Variants in FBXL7 observed in about 807,000 individuals in gnomAD.
The protein encoded by FBXL7 is F-box and leucine rich repeat protein 7, also known as F-box/LRR-repeat protein 7.
In FBXL7, 12 loss-of-function variants were observed where a neutral mutation model predicts 38.3. The observed-to-expected ratio is 0.31, with a 90% CI of 0.20 to 0.51. The LOEUF (loss-of-function observed/expected upper bound fraction) is 0.51, where lower values mean the gene tolerates loss of function less well. FBXL7 is among the 20% of genes least tolerant of loss of function. The pLI, the probability that FBXL7 is intolerant of heterozygous loss-of-function variation, is 0.98. For missense variants in FBXL7, 567 were observed against 676.4 expected (o/e 0.84, Z 1.79); for synonymous variants, 297 against 300.9 (o/e 0.99, Z 0.13).
intron 2 of FBXL7, among the ~76,000 whole-genome samples, chr5:15,770,535 C>T (rs998818451): frequency 1.3e-5 from 2 of 151,998 alleles, no homozygotes; most frequent in African/African-American, 4.8e-5. Context: ...ATGCCAGTGG[C>T]GAGGCAATAA....
chr5:15,717,456 TTGTC>T (rs965674240), intron 2 of FBXL7, among the ~76,000 whole-genome samples: 1 of 152,190 alleles, frequency 6.6e-6, no homozygotes, highest in African/African-American at 2.4e-5. Context: ...CTGTTTGAAA[TTGTC>T]TGTCTGCACC....
intron 2 of FBXL7, among the ~76,000 whole-genome samples, chr5:15,771,474 A>G (rs534375361): frequency 1.1e-4 from 17 of 152,322 alleles, no homozygotes; most frequent in African/African-American, 4.1e-4. Flanking sequence ...TGCCATAAGT[A>G]TATGTATAGG....
chr5:15,924,608 CT>C (rs1407311882), intron 2 of FBXL7, among the ~76,000 whole-genome samples: 9 of 149,860 alleles, frequency 6.0e-5, no homozygotes, highest in African/African-American at 2.0e-4. Context: ...GAAGTTCTGT[CT>C]GCTTCACGGG....
At chr5:15,787,104 C>A (rs917303291) in intron 2 of FBXL7, among the ~76,000 whole-genome samples, 2 of 152,140 alleles carry the variant, frequency 1.3e-5, no homozygotes, top group Non-Finnish European at 2.9e-5. Context: ...TTCCCTAGAG[C>A]CTTCCCAGGG....
At chr5:15,885,714 A>T (rs1740648127) in intron 2 of FBXL7, among the ~76,000 whole-genome samples, 1 of 151,204 alleles carries the variant, frequency 6.6e-6, no homozygotes, top group Non-Finnish European at 1.5e-5. Flanking sequence ...TGTTAGTCAC[A>T]TTTTTTTTTA....
At position 15,937,475 on chromosome 5, in the gene FBXL7, T is replaced by C; in HGVS notation, c.*289T>C. 2.9e-6 allele frequency: 1 copy of C among 342,860 alleles called. No homozygotes were observed. Among genetic ancestry groups the C allele is most frequent in the Non-Finnish European group, 5.4e-6 (1 of 186,250 alleles). 21.2% of individuals were successfully genotyped at this position (342,860 alleles called of 1,614,324 possible). Reference sequence around the variant, plus strand: ...GATCGCTGTTCCTTGAGCAAGGCGCTTACTCTCCTCCGCTCAGGCCCCCAA... The same window carrying C: ...GATCGCTGTTCCTTGAGCAAGGCGCCTACTCTCCTCCGCTCAGGCCCCCAA... On this transcript the variant is annotated 3_prime_UTR_variant, in exon 4 of 4. Coordinates refer to ENST00000504595, the MANE Select transcript of FBXL7 (RefSeq NM_012304.5).
At chr5:15,732,477 T>G (rs1735616452) in intron 2 of FBXL7, among the ~76,000 whole-genome samples, 1 of 152,194 alleles carries the variant, frequency 6.6e-6, no homozygotes, top group Non-Finnish European at 1.5e-5. Flanking sequence ...TTTATTTATA[T>G]TGTCATTTGC....
intron 2 of FBXL7, among the ~76,000 whole-genome samples, chr5:15,713,313 T>C (rs6554899): frequency 0.74 from 112,084 of 152,018 alleles, 41,555 homozygotes; most frequent in East Asian, 0.88. Context: ...GGGAAACCAC[T>C]CCCATGATTC....
At position 15,776,648 on chromosome 5, in the gene FBXL7, G is replaced by C. The variant is rs114978029; in HGVS notation, c.128-151242G>C. 4.9e-4 allele frequency among the ~76,000 whole-genome samples: 74 copies of C among 152,112 alleles called. No individual in the cohort carries two copies. In the Middle Eastern group the frequency reaches 0.01, roughly 21 times the overall value. ...GTGATGGTGAGGCAGGAAAAAATTC[G>C]CACTTTTTTTGGTATAATTTCTCGC... On this transcript the variant is annotated intron_variant, in intron 2 of 3. Coordinates refer to ENST00000504595, the MANE Select transcript of FBXL7 (RefSeq NM_012304.5).
At chr5:15,541,443 G>GTGTGTATATATATA (rs1264820921) in intron 1 of FBXL7, among the ~76,000 whole-genome samples, 1 of 38,426 alleles carries the variant, frequency 2.6e-5, no homozygotes, top group African/African-American at 9.4e-5. Flanking sequence ...GTGTGTGTGT[G>GTGTGTATATATATA]TATATATATA....
intron 2 of FBXL7, among the ~76,000 whole-genome samples, chr5:15,922,511 G>A (rs754286256): frequency 3.3e-5 from 5 of 152,134 alleles, no homozygotes; most frequent in Non-Finnish European, 7.4e-5. Context: ...AAGGCGTTTA[G>A]GGGAACTATG....
intron 1 of FBXL7, among the ~76,000 whole-genome samples, chr5:15,547,823 A>G (rs1165966007): frequency 6.6e-6 from 1 of 152,180 alleles, no homozygotes; most frequent in African/African-American, 2.4e-5. Flanking sequence ...ATTCTTGTCA[A>G]CTACTAGTAA....
chr5:15,580,713 G>T (rs1482984203), intron 1 of FBXL7: 1 of 985,306 alleles, frequency 1.0e-6, no homozygotes, highest in Non-Finnish European at 1.2e-6. Flanking sequence ...AGAACAGGAA[G>T]GGAGGTGGTG....
intron 2 of FBXL7, among the ~76,000 whole-genome samples, chr5:15,836,789 A>G (rs992304012): frequency 1.3e-5 from 2 of 152,184 alleles, no homozygotes; most frequent in Non-Finnish European, 2.9e-5. Flanking sequence ...GTCAGGTTTC[A>G]GCCTCCTGTC....
intron 3 of FBXL7, among the ~76,000 whole-genome samples, chr5:15,932,777 C>G (rs1042722666): frequency 5.9e-5 from 9 of 152,164 alleles, no homozygotes; most frequent in African/African-American, 1.2e-4. Context: ...AATTATTTCT[C>G]TCTTTCAAGG....
rs567124517 is a variant in FBXL7, at chr5:15,504,717, A to G, written c.37+4004A>G. Among the ~76,000 whole-genome samples, 6 of 152,306 alleles carry G rather than the reference A, an allele frequency of 3.9e-5. No individual in the cohort carries two copies. The East Asian group carries it at 7.7e-4, about 20-fold the overall frequency. On this transcript the variant is annotated intron_variant, in intron 1 of 3. Transcript: ENST00000504595. ...TATCTCTTTCATAAAGTGTAAGTCCATGTGTAGAAATCTGGAGAATAAGTT... is the reference window on the plus strand; with the variant it reads ...TATCTCTTTCATAAAGTGTAAGTCCGTGTGTAGAAATCTGGAGAATAAGTT...
intron 2 of FBXL7, among the ~76,000 whole-genome samples, chr5:15,830,485 A>AAC (rs57825713): frequency 0.051 from 7,299 of 144,150 alleles, 605 homozygotes; most frequent in African/African-American, 0.18. Flanking sequence ...CTCCATCTAA[A>AAC]ACACACACAC....
chr5:15,768,418 C>A (rs1736645819), intron 2 of FBXL7, among the ~76,000 whole-genome samples: 1 of 151,910 alleles, frequency 6.6e-6, no homozygotes, highest in South Asian at 2.1e-4. Flanking sequence ...CTTGTCCCAG[C>A]TACTCGGGAG....
At chr5:15,544,014 C>T (rs185241346) in intron 1 of FBXL7, among the ~76,000 whole-genome samples, 16 of 152,284 alleles carry the variant, frequency 1.1e-4, no homozygotes, top group Admixed American at 9.8e-4. Context: ...TTCTGTAAGA[C>T]ACGCAGACCG....
Sources: allele counts gnomAD v4.1 joint callset (sites outside exome capture counted in the v4.1 genomes callset), GRCh38; gene constraint gnomAD v4.1.1; transcripts MANE v1.5; gene names NCBI Gene and HGNC (gene_info 2026-07-23, HGNC 2026-07-21).